ZNF362: variants seen among roughly 807,000 people sequenced by gnomAD.
ZNF362 encodes rotund homolog.
Under a neutral mutation model 42.9 loss-of-function variants are expected in ZNF362, and 11 were observed. That is an observed-to-expected ratio of 0.26 (90% confidence interval 0.16 to 0.42). The LOEUF (loss-of-function observed/expected upper bound fraction) is 0.42. Ranked by LOEUF, ZNF362 falls within the 20% of genes least tolerant of loss-of-function variation. ZNF362 has a pLI of 1.00. For missense variants in ZNF362, 362 were observed against 576.2 expected (o/e 0.63, Z 3.81); for synonymous variants, 255 against 257.3 (o/e 0.99, Z 0.09).
the ZNF362 span, among the ~76,000 whole-genome samples, chr1:33,153,013 C>A: frequency 5.4e-5 from 6 of 111,888 alleles, no homozygotes; most frequent in Non-Finnish European, 9.9e-5. Flanking sequence ...GGAGAGCTTC[C>A]TAATGTTAGG....
chr1:33,257,421 T>G (rs1206433876), intron 1 of ZNF362, among the ~76,000 whole-genome samples: 1 of 150,344 alleles, frequency 6.7e-6, no homozygotes, highest in East Asian at 1.9e-4. Context: ...TTTCTTTCTT[T>G]CTTTCTTTTT....
At chr1:33,197,596 C>T in the ZNF362 span, among the ~76,000 whole-genome samples, 1 of 152,144 alleles carries the variant, frequency 6.6e-6, no homozygotes, top group Admixed American at 6.5e-5. Context: ...GGGAAACAAG[C>T]AAGGTGAGCT....
intron 6 of ZNF362, among the ~76,000 whole-genome samples, chr1:33,293,735 G>A (rs967954246): frequency 1.6e-4 from 25 of 152,194 alleles, no homozygotes; most frequent in Non-Finnish European, 3.4e-4. Context: ...CACGCCCAGG[G>A]AGATGGTGCA....
the ZNF362 span, among the ~76,000 whole-genome samples, chr1:33,222,184 G>T: frequency 5.3e-5 from 8 of 152,066 alleles, no homozygotes; most frequent in African/African-American, 1.9e-4. Context: ...GTATACCATG[G>T]AAATGGCATC....
the ZNF362 span, among the ~76,000 whole-genome samples, chr1:33,243,252 G>T: frequency 6.6e-6 from 1 of 151,786 alleles, no homozygotes; most frequent in Non-Finnish European, 1.5e-5. Flanking sequence ...CGCCTCCTGG[G>T]TTCAAGTGAT....
At chr1:33,274,186 C>T (rs1056624366) in intron 2 of ZNF362, among the ~76,000 whole-genome samples, 1 of 152,174 alleles carries the variant, frequency 6.6e-6, no homozygotes, top group Non-Finnish European at 1.5e-5. Flanking sequence ...GCGTCATTCC[C>T]CTGAATACGT....
intron 6 of ZNF362, among the ~76,000 whole-genome samples, chr1:33,287,668 A>G (rs867975863): frequency 6.6e-6 from 1 of 152,214 alleles, no homozygotes; most frequent in African/African-American, 2.4e-5. Context: ...TGTTATGTAC[A>G]TGCCTAATGA....
the ZNF362 span, among the ~76,000 whole-genome samples, chr1:33,243,108 A>ATTATGTTATGTTATG: frequency 0.021 from 2,963 of 144,524 alleles, 56 homozygotes; most frequent in African/African-American, 0.042. Flanking sequence ...CACAACTGTT[A>ATTATGTTATGTTATG]TTATGTTATG....
chr1:33,219,256 G>A, the ZNF362 span, among the ~76,000 whole-genome samples: 2 of 152,154 alleles, frequency 1.3e-5, no homozygotes, highest in African/African-American at 4.8e-5. Flanking sequence ...CCTTCACTGG[G>A]TATGATGACG....
chr1:33,175,050 T>TATGTATATGTATATGTATATGTATATGTA, the ZNF362 span, among the ~76,000 whole-genome samples: 1 of 151,304 alleles, frequency 6.6e-6, no homozygotes, highest in African/African-American at 2.4e-5. Flanking sequence ...TGTATATGTA[T>TATGTATATGTATATGTATATGTATATGTA]TTTTTTTAAG....
At chr1:33,292,433 G>A (rs1646085466) in intron 6 of ZNF362, among the ~76,000 whole-genome samples, 1 of 152,184 alleles carries the variant, frequency 6.6e-6, no homozygotes, top group Non-Finnish European at 1.5e-5. Context: ...TGATCATGGT[G>A]GATAAGCTTT....
chr1:33,250,890 A>AAGAAGAAGAAGAAGAAGAAGAAGG, the ZNF362 span, among the ~76,000 whole-genome samples: 29 of 150,954 alleles, frequency 1.9e-4, no homozygotes, highest in Non-Finnish European at 3.3e-4. Context: ...GAAGAAGAAG[A>AAGAAGAAGAAGAAGAAGAAGAAGG]AGAAGGAGAA....
the ZNF362 span, among the ~76,000 whole-genome samples, chr1:33,189,670 T>C: frequency 0.71 from 69,811 of 98,294 alleles, 26,388 homozygotes; most frequent in Non-Finnish European, 0.78. Context: ...TATATATATA[T>C]ATGTATATAT....
At chr1:33,154,277 C>T in the ZNF362 span, among the ~76,000 whole-genome samples, 2 of 151,718 alleles carry the variant, frequency 1.3e-5, no homozygotes, top group Non-Finnish European at 2.9e-5. Flanking sequence ...GATTCCCTCC[C>T]CAGTCACTGA....
At chr1:33,159,100 C>T in the ZNF362 span, among the ~76,000 whole-genome samples, 1 of 152,042 alleles carries the variant, frequency 6.6e-6, no homozygotes, top group African/African-American at 2.4e-5. The surrounding 1 kb of genome is among the most constrained non-coding windows in gnomAD (Gnocchi z 4.2). Context: ...CTGCCTCGGC[C>T]TCCCAAAGTG....
Position 33,288,463 on chromosome 1 carries a change from C to T in ZNF362, c.909-6474C>T, listed in dbSNP as rs142160363. ...AAGAGGAGTGACCACCAGCCGGGTG[C>T]GGTGGTGGCTCATTCCTGTAATCCC... On this transcript the variant is annotated intron_variant, in intron 6 of 8. Coordinates refer to ENST00000539719, the MANE Select transcript of ZNF362 (RefSeq NM_152493.3). Among the ~76,000 whole-genome samples the T allele has an allele frequency of 3.1e-3, 476 of 152,068 alleles. 1 individual carries two copies. Among genetic ancestry groups the T allele is most frequent in the African/African-American group, 0.011 (462 of 41,502 alleles).
At chr1:33,255,049 T>C (rs1307293483), upstream of ZNF362, among the ~76,000 whole-genome samples, 1 of 152,122 alleles carries the variant, frequency 6.6e-6, no homozygotes, top group African/African-American at 2.4e-5. Flanking sequence ...TCTCCCGCCA[T>C]GCTTTAACAT....
At chr1:33,297,600 C>A (rs1646134522) in intron 8 of ZNF362, among the ~76,000 whole-genome samples, 1 of 142,858 alleles carries the variant, frequency 7.0e-6, no homozygotes, top group South Asian at 2.2e-4. Context: ...CAACATCCGC[C>A]TCCCAGGTTC....
At chr1:33,140,470 T>C in the ZNF362 span, among the ~76,000 whole-genome samples, 2 of 152,156 alleles carry the variant, frequency 1.3e-5, no homozygotes, top group Admixed American at 6.5e-5. This position sits in a 1 kb window ranked among gnomAD's most constrained non-coding sequence, Gnocchi z 4.0. Context: ...ACCTGCGGTA[T>C]GTGGTAAGCA....
Sources: gnomAD v4.1 joint callset for allele counts (sites outside exome capture counted in the v4.1 genomes callset) on GRCh38, gnomAD v4.1.1 for gene constraint, Gnocchi (gnomAD v3.1) non-coding constraint, MANE v1.5 for transcripts, NCBI Gene and HGNC (gene_info 2026-07-23, HGNC 2026-07-21) for gene names.